The following SVIL variants were observed in gnomAD, a reference collection of about 807,000 sequenced individuals.
SVIL encodes the protein archvillin.
In SVIL, 101 loss-of-function variants were observed where a neutral mutation model predicts 240.4. The ratio of observed to expected loss-of-function variants is 0.42; its 90% CI spans 0.36 to 0.50. SVIL has a LOEUF of 0.50. Ranked by LOEUF, SVIL falls within the 20% of genes least tolerant of loss-of-function variation. SVIL has a pLI of 0.01. For synonymous variants in SVIL, 999 were observed against 1,100.0 expected, an observed-to-expected ratio of 0.91 and a Z score of 1.82; for missense variants, 2,512 against 2,818.7, an observed-to-expected ratio of 0.89 and a Z score of 2.46.
intron 3 of SVIL, among the ~76,000 whole-genome samples, chr10:29,651,618 TTCTCTCTCTC>T (rs9299622): frequency 3.0e-5 from 4 of 135,430 alleles, no homozygotes; most frequent in East Asian, 2.3e-4. Context: ...GCCACATGCA[TTCTCTCTCTC>T]TCTCTCTCTC....
In SVIL at chr10:29,548,147, T is replaced by C. The variant is rs373324129; in HGVS notation, c.827+2450A>G. ...GTATTTCAGTCTGGATGCTCGAGTATGTGGTGACAGGTCTTTGGGTTAATA... is the reference window on the plus strand; with the variant it reads ...GTATTTCAGTCTGGATGCTCGAGTACGTGGTGACAGGTCTTTGGGTTAATA... On this transcript the variant is annotated intron_variant, in intron 6 of 37. Transcript: ENST00000355867. Among the ~76,000 whole-genome samples, 56 of 152,358 alleles carry C rather than the reference T, an allele frequency of 3.7e-4. 1 individual carries two copies. In the East Asian group the frequency reaches 0.011, roughly 29 times the overall value.
At chr10:29,632,211 C>T (rs570632579) in intron 1 of SVIL, among the ~76,000 whole-genome samples, 19 of 152,250 alleles carry the variant, frequency 1.2e-4, no homozygotes, top group Non-Finnish European at 1.8e-4. Flanking sequence ...AATAACTCGC[C>T]GGGTGTGGTG....
chr10:29,729,790 C>T (rs941909477), intron 1 of SVIL, among the ~76,000 whole-genome samples: 1 of 133,590 alleles, frequency 7.5e-6, no homozygotes, highest in African/African-American at 2.9e-5. Flanking sequence ...GCCGAGATTG[C>T]ACCGTTGCAC....
At chr10:29,689,951 G>A (rs1961376579) in intron 1 of SVIL, among the ~76,000 whole-genome samples, 1 of 152,230 alleles carries the variant, frequency 6.6e-6, no homozygotes, top group South Asian at 2.1e-4. Context: ...GCCAGTGGGA[G>A]CTGAGCAGTT....
At chr10:29,481,528 A>G (rs1946849256) in intron 28 of SVIL, 56 bp downstream of exon 28, 5 of 1,604,162 alleles carry the variant, frequency 3.1e-6, no homozygotes, top group Non-Finnish European at 4.2e-6. Flanking sequence ...CATGAAGGCC[A>G]CTTTTATTGG....
At chr10:29,699,102 A>T (rs1962307098) in intron 1 of SVIL, among the ~76,000 whole-genome samples, 1 of 152,184 alleles carries the variant, frequency 6.6e-6, no homozygotes, top group African/African-American at 2.4e-5. Flanking sequence ...GATTTTAATA[A>T]CTGAACTGCT....
chr10:29,697,011 A>G (rs1426327548), intron 1 of SVIL, among the ~76,000 whole-genome samples: 13 of 83,802 alleles, frequency 1.6e-4, no homozygotes, highest in African/African-American at 2.9e-4. Context: ...TCCGGGAGGG[A>G]GGTGGGGGGC....
intron 1 of SVIL, among the ~76,000 whole-genome samples, chr10:29,574,998 A>T (rs1955624958): frequency 6.6e-6 from 1 of 152,256 alleles, no homozygotes; most frequent in South Asian, 2.1e-4. Context: ...TGTGTATAAA[A>T]AGAAGCAATT....
intron 1 of SVIL, among the ~76,000 whole-genome samples, chr10:29,698,810 C>T (rs1395775910): frequency 6.6e-6 from 1 of 151,716 alleles, no homozygotes; most frequent in Non-Finnish European, 1.5e-5. Flanking sequence ...GAAGCAGATG[C>T]ATACAAACAA....
At chr10:29,660,427 C>A (rs1385312532) in intron 2 of SVIL, among the ~76,000 whole-genome samples, 1 of 152,158 alleles carries the variant, frequency 6.6e-6, no homozygotes, top group African/African-American at 2.4e-5. Flanking sequence ...GCCTGGGCAA[C>A]ATAGCAAGAC....
At chr10:29,598,339 TG>T (rs1956676433) in intron 1 of SVIL, among the ~76,000 whole-genome samples, 1 of 152,186 alleles carries the variant, frequency 6.6e-6, no homozygotes, top group Non-Finnish European at 1.5e-5. Context: ...ACCACCAAAC[TG>T]TACACTTCAA....
chr10:29,469,430 CA>C (rs1945302893), intron 32 of SVIL, among the ~76,000 whole-genome samples: 1 of 152,220 alleles, frequency 6.6e-6, no homozygotes, highest in African/African-American at 2.4e-5. Flanking sequence ...ACTCTGGGGA[CA>C]TGTGACCCTA....
At position 29,697,225 on chromosome 10, in the gene SVIL, C is replaced by A. The variant is rs1962154195; in HGVS notation, c.-399-10574G>T. Among the ~76,000 whole-genome samples, 2 of 67,446 alleles carry A rather than the reference C, an allele frequency of 3.0e-5. 1 individual carries two copies. Among genetic ancestry groups the A allele is most frequent in the Non-Finnish European group, 6.0e-5 (2 of 33,422 alleles). 44.2% of individuals were successfully genotyped at this position (67,446 alleles called of 152,430 possible). ...TCAGCGCCCCGCCTGGCCAGCCACC[C>A]GGTCCGGGAGCTGAGGGGCGCCTCT... On this transcript the variant is annotated intron_variant, in intron 1 of 35. Transcript: ENST00000375400.
intron 2 of SVIL, among the ~76,000 whole-genome samples, chr10:29,685,134 A>G (rs1960964202): frequency 1.3e-5 from 2 of 152,132 alleles, no homozygotes; most frequent in South Asian, 4.1e-4. Flanking sequence ...AGGTGTTCCC[A>G]TTGTTTAGCT....
At chr10:29,629,470 G>T (rs1398063657) in intron 1 of SVIL, among the ~76,000 whole-genome samples, 3 of 152,158 alleles carry the variant, frequency 2.0e-5, no homozygotes, top group South Asian at 2.1e-4. Flanking sequence ...AGACGCTGCA[G>T]TAACAAGACT....
At chr10:29,614,177 T>C (rs1320108853) in intron 1 of SVIL, among the ~76,000 whole-genome samples, 1 of 152,212 alleles carries the variant, frequency 6.6e-6, no homozygotes, top group African/African-American at 2.4e-5. Context: ...TTTGTGGAAA[T>C]CATAGGCTCA....
intron 1 of SVIL, among the ~76,000 whole-genome samples, chr10:29,619,889 GA>G (rs1484859494): frequency 5.9e-5 from 9 of 151,854 alleles, no homozygotes; most frequent in Admixed American, 3.9e-4. Context: ...TTTAAATGTG[GA>G]TTTTTTTGGA....
chr10:29,585,905 C>T (rs553186277), intron 1 of SVIL, among the ~76,000 whole-genome samples: 1 of 152,268 alleles, frequency 6.6e-6, no homozygotes, highest in South Asian at 2.1e-4. Flanking sequence ...GCGCTCTGAG[C>T]GCGGTCACTG....
chr10:29,566,198 T>A (rs1172960359), intron 2 of SVIL, among the ~76,000 whole-genome samples: 1 of 152,216 alleles, frequency 6.6e-6, no homozygotes, highest in Admixed American at 6.5e-5. Context: ...GGGCATAATT[T>A]GGAACACATC....
Sources: allele counts gnomAD v4.1 joint callset (sites outside exome capture counted in the v4.1 genomes callset), GRCh38; gene constraint gnomAD v4.1.1; transcripts MANE v1.5; gene names NCBI Gene and HGNC (gene_info 2026-07-23, HGNC 2026-07-21).